CNOT4: variants seen among roughly 807,000 people sequenced by gnomAD.
The protein encoded by CNOT4 is CCR4-NOT transcription complex subunit 4.
CNOT4 carries 8 observed loss-of-function variants against 73.8 expected under a neutral mutation model. The ratio of observed to expected loss-of-function variants is 0.11; its 90% CI spans 0.06 to 0.20. The LOEUF (loss-of-function observed/expected upper bound fraction) is 0.20. CNOT4 is among the 10% of genes least tolerant of loss of function. The pLI is 1.00. For missense variants in CNOT4, 564 were observed against 883.4 expected (o/e 0.64, Z 4.58); for synonymous variants, 293 against 321.1 (o/e 0.91, Z 0.94).
At chr7:135,492,019 A>G in intron 1 of CNOT4, among the ~76,000 whole-genome samples, 1 of 152,214 alleles carries the variant, frequency 6.6e-6, no homozygotes, top group East Asian at 1.9e-4. Flanking sequence ...CAATACATAC[A>G]TGTGGTGGCA....
intron 1 of CNOT4, among the ~76,000 whole-genome samples, chr7:135,473,142 G>A (rs1289638903): frequency 6.6e-6 from 1 of 152,144 alleles, no homozygotes; most frequent in Non-Finnish European, 1.5e-5. Context: ...TGTTGGCTTG[G>A]AGGTTTGAAT....
At chr7:135,371,438 C>T (rs567528812) in intron 10 of CNOT4, among the ~76,000 whole-genome samples, 2 of 152,032 alleles carry the variant, frequency 1.3e-5, no homozygotes, top group Admixed American at 1.3e-4. Flanking sequence ...ATAGGATAAA[C>T]GGCAAATAAG....
intron 1 of CNOT4, among the ~76,000 whole-genome samples, chr7:135,476,647 G>A (rs1802014797): frequency 6.6e-6 from 1 of 152,152 alleles, no homozygotes; most frequent in African/African-American, 2.4e-5. Flanking sequence ...CTGCACTCCA[G>A]CCTGAGCAAC....
At chr7:135,479,740 C>A (rs1448057231) in intron 1 of CNOT4, among the ~76,000 whole-genome samples, 3 of 151,524 alleles carry the variant, frequency 2.0e-5, no homozygotes, top group African/African-American at 7.3e-5. Context: ...CTATAAAAAA[C>A]ACAAAAATTA....
At chr7:135,509,353 C>T (rs971454518) in intron 1 of CNOT4, among the ~76,000 whole-genome samples, 1 of 151,928 alleles carries the variant, frequency 6.6e-6, no homozygotes, top group Non-Finnish European at 1.5e-5. Context: ...CAGAGGGGGG[C>T]AAAGGCTAAC....
chr7:135,401,739 G>A (rs1306675634), intron 7 of CNOT4, among the ~76,000 whole-genome samples: 2 of 152,248 alleles, frequency 1.3e-5, no homozygotes, highest in East Asian at 3.9e-4. Context: ...CTAAAACAAA[G>A]AATGAGAGAG....
chr7:135,362,254 A>C lies in CNOT4; in HGVS notation c.*631T>G, dbSNP rs568852762. On this transcript the variant is annotated 3_prime_UTR_variant, in exon 12 of 12. Coordinates refer to ENST00000541284, the MANE Select transcript of CNOT4 (RefSeq NM_001190850.2). ...CTCACCTCCTTATGAACTCTTTAGC[A>C]ATCGGCCAGTTACTACTACAGATGA... 3 of 154,680 alleles carry C rather than the reference A, an allele frequency of 1.9e-5. No individual in the cohort carries two copies. Among genetic ancestry groups the C allele is most frequent in the African/African-American group, 7.2e-5 (3 of 41,590 alleles). 9.6% of individuals were successfully genotyped at this position (154,680 alleles called of 1,614,324 possible).
intron 10 of CNOT4, among the ~76,000 whole-genome samples, chr7:135,372,619 C>T (rs569489688): frequency 3.4e-5 from 5 of 147,300 alleles, no homozygotes; most frequent in African/African-American, 7.5e-5. Flanking sequence ...GGCAATGGTG[C>T]GACCTCGGCT....
chr7:135,371,901 CT>C (rs1795223022), intron 10 of CNOT4, among the ~76,000 whole-genome samples: 1 of 152,136 alleles, frequency 6.6e-6, no homozygotes, highest in Admixed American at 6.5e-5. Context: ...TATAAAAGAT[CT>C]TTACAATGTC....
At chr7:135,474,276 A>AT (rs869203152) in intron 1 of CNOT4, among the ~76,000 whole-genome samples, 4,969 of 87,992 alleles carry the variant, frequency 0.056, 510 homozygotes, top group African/African-American at 0.098. Context: ...CTGTGCCCAA[A>AT]TTTTTTTTTT....
chr7:135,410,501 ATATCAATACTTACG>A lies in CNOT4; in HGVS notation c.821_821+13del. 2.1e-6 allele frequency: 3 copies of A among 1,463,084 alleles called. No homozygotes were observed. Among genetic ancestry groups the A allele is most frequent in the Non-Finnish European group, 2.8e-6 (3 of 1,090,846 alleles). 90.6% of individuals were successfully genotyped at this position (1,463,084 alleles called of 1,614,324 possible). A position where few individuals can be genotyped will look rare whatever the true frequency, so the allele number is the denominator to read the frequency against. On this transcript the variant is annotated splice_donor_variant and splice_donor_5th_base_variant and coding_sequence_variant and intron_variant, in exon 7 of 12. Coordinates refer to ENST00000541284, the MANE Select transcript of CNOT4 (RefSeq NM_001190850.2). LOFTEE classifies it high-confidence loss of function. ...AAGAAGGTAAGATGTCTGACTATCA[ATATCAATACTTACG>A]TATCGTACCTCTGCAGTGGTGTCAC...
intron 1 of CNOT4, among the ~76,000 whole-genome samples, chr7:135,453,611 G>T (rs1029878501): frequency 1.3e-5 from 2 of 150,878 alleles, no homozygotes; most frequent in African/African-American, 4.9e-5. Context: ...CATAAAGGAG[G>T]GCAGATAACA....
At chr7:135,458,523 G>C (rs1563062464) in intron 1 of CNOT4, among the ~76,000 whole-genome samples, 1 of 152,026 alleles carries the variant, frequency 6.6e-6, no homozygotes, top group Non-Finnish European at 1.5e-5. Flanking sequence ...GATACTGTTT[G>C]ATAGCATTTT....
At chr7:135,471,627 A>T (rs534734876) in intron 1 of CNOT4, among the ~76,000 whole-genome samples, 1 of 152,222 alleles carries the variant, frequency 6.6e-6, no homozygotes, top group African/African-American at 2.4e-5. Context: ...GTATATATGT[A>T]TGTATTTAAT....
chr7:135,388,525 T>C (rs191212236), intron 10 of CNOT4: 4 of 1,043,098 alleles, frequency 3.8e-6, no homozygotes, highest in Admixed American at 1.1e-4. Context: ...CCTGGGATCT[T>C]AGTACTACAA....
intron 3 of CNOT4, among the ~76,000 whole-genome samples, chr7:135,416,882 A>G (rs115396153): frequency 0.012 from 1,774 of 152,302 alleles, 39 homozygotes; most frequent in African/African-American, 0.041. Context: ...GCCCCGTACA[A>G]CAAAGAATTG....
At chr7:135,396,068 A>G (rs535191957) in intron 8 of CNOT4, among the ~76,000 whole-genome samples, 185 bp from the exon 9 acceptor site, 1 of 151,908 alleles carries the variant, frequency 6.6e-6, no homozygotes, top group East Asian at 1.9e-4. Flanking sequence ...TACTCTTTAA[A>G]AAAATATTAA....
intron 7 of CNOT4, among the ~76,000 whole-genome samples, chr7:135,403,854 T>C (rs1166966149): frequency 2.0e-5 from 3 of 152,180 alleles, no homozygotes; most frequent in Non-Finnish European, 4.4e-5. Context: ...ACAGCAAGTC[T>C]CCACTTATTC....
chr7:135,394,433 A>G lies in CNOT4; in HGVS notation c.1130-18T>C. On this transcript the variant is annotated intron_variant, in intron 9 of 11. Transcript: ENST00000541284. ...GATTGTTTCTGTTGGGAAGAAAAAT[A>G]GTGATGAATATCAGATACATAGCTC... The G allele has an allele frequency of 6.4e-7, 1 of 1,570,364 alleles. No homozygotes were observed. Among genetic ancestry groups the G allele is most frequent in the South Asian group, 1.2e-5 (1 of 85,856 alleles).
Sources: gnomAD v4.1 joint callset for allele counts (sites outside exome capture counted in the v4.1 genomes callset) on GRCh38, gnomAD v4.1.1 for gene constraint, MANE v1.5 for transcripts, NCBI Gene and HGNC (gene_info 2026-07-23, HGNC 2026-07-21) for gene names.